The following ARL14EPL variants were observed in gnomAD, a reference collection of about 807,000 sequenced individuals.
ARL14EPL encodes ARF like GTPase 14 effector protein like, also known as ARL14 effector protein-like.
A neutral mutation model predicts 15.9 loss-of-function variants in ARL14EPL; 17 were observed. That is an observed-to-expected ratio of 1.07 (90% CI 0.73 to 1.60). The LOEUF is 1.60. Among genes scored for constraint, ARL14EPL ranks in the 40% most tolerant of loss-of-function variants. ARL14EPL has a pLI of 0.00. For synonymous variants in ARL14EPL, 78 were observed against 63.8 expected (o/e 1.22, Z -1.06); for missense variants, 214 against 185.9 (o/e 1.15, Z -0.88).
chr5:116,056,887 C>G (rs1375665391), intron 3 of ARL14EPL, among the ~76,000 whole-genome samples: 1 of 152,182 alleles, frequency 6.6e-6, no homozygotes, highest in Non-Finnish European at 1.5e-5. Flanking sequence ...TTTCCCAGCA[C>G]CATTTGTTAA....
intron 1 of ARL14EPL, among the ~76,000 whole-genome samples, chr5:116,045,845 G>A (rs1194196104): frequency 1.3e-5 from 2 of 151,438 alleles, no homozygotes; most frequent in Non-Finnish European, 2.9e-5. Context: ...AGATAAAGTT[G>A]CTTCTAGAGC....
In ARL14EPL at chr5:116,058,939, C is replaced by G. The variant is rs1361547628; in HGVS notation, c.451C>G (p.Pro151Ala). Reference protein sequence around the residue: ...EVISTLPFNVPD With the variant: ...EVISTLPFNVAD ...CATCAGCACGCTGCCGTTTAATGTT[C>G]CTGACTAGGTGCTCTTGTATATGGA... Residue 151 changes from proline (P) to alanine (A), a missense_variant, in exon 4 of 4, where the codon CCT becomes GCT. Coordinates refer to ENST00000686077, the MANE Select transcript of ARL14EPL (RefSeq NM_001195581.2). 3 of 1,535,762 alleles carry G rather than the reference C, an allele frequency of 2.0e-6. No individual in the cohort carries two copies. The African/African-American group carries it at 4.1e-5, about 21-fold the overall frequency.
intron 1 of ARL14EPL, among the ~76,000 whole-genome samples, chr5:116,040,402 A>G (rs1012643447): frequency 1.3e-5 from 2 of 151,640 alleles, no homozygotes; most frequent in Non-Finnish European, 2.9e-5. Context: ...CGTTTGGTAT[A>G]TAACAGGAGT....
chr5:116,050,553 T>C (rs888665621), intron 1 of ARL14EPL, among the ~76,000 whole-genome samples: 4 of 152,166 alleles, frequency 2.6e-5, no homozygotes, highest in South Asian at 2.1e-4. Context: ...GAATTTCCAA[T>C]TGGTCAGCAG....
chr5:116,046,781 A>G (rs1191278087), intron 1 of ARL14EPL, among the ~76,000 whole-genome samples: 1 of 152,192 alleles, frequency 6.6e-6, no homozygotes, highest in East Asian at 1.9e-4. Context: ...TTTCATCTGT[A>G]TATGACTGCT....
At chr5:116,043,327 T>C (rs1391385340) in intron 1 of ARL14EPL, among the ~76,000 whole-genome samples, 4 of 152,066 alleles carry the variant, frequency 2.6e-5, no homozygotes, top group African/African-American at 9.7e-5. Context: ...AGTGCTTTAG[T>C]ATGTGAATCC....
intron 1 of ARL14EPL, among the ~76,000 whole-genome samples, chr5:116,034,417 G>A (rs1266796755): frequency 6.6e-6 from 1 of 152,164 alleles, no homozygotes; most frequent in African/African-American, 2.4e-5. Flanking sequence ...GGTGGCCTCA[G>A]TATTTATGAA....
At chr5:116,034,782 A>G (rs1225795820) in intron 1 of ARL14EPL, among the ~76,000 whole-genome samples, 1 of 152,152 alleles carries the variant, frequency 6.6e-6, no homozygotes, top group African/African-American at 2.4e-5. Context: ...AAAAACAGAA[A>G]CCAGACTAAT....
At chr5:116,058,461 A>C (rs988308386) in intron 3 of ARL14EPL, among the ~76,000 whole-genome samples, 1 of 152,086 alleles carries the variant, frequency 6.6e-6, no homozygotes, top group Non-Finnish European at 1.5e-5. Context: ...ATGAAGTGTT[A>C]CTCTAGATGA....
rs1272659454 is a variant in ARL14EPL at position 116,058,715 on chromosome 5, T to C, written c.237-10T>C. On this transcript the variant is annotated splice_polypyrimidine_tract_variant and intron_variant, in intron 3 of 3. Coordinates refer to ENST00000686077, the MANE Select transcript of ARL14EPL (RefSeq NM_001195581.2). ...CACTGTCATCTTAATGTCATGCTTT[T>C]CCTTTGTAGAATAATGAGGAAGTAT... is the stretch of plus-strand genomic sequence containing the variant. 50 of 1,532,876 alleles carry C rather than the reference T, an allele frequency of 3.3e-5. No homozygotes were observed. The highest frequency in any genetic ancestry group is 4.3e-5 in the Non-Finnish European group (49 of 1,145,446). 95.0% of individuals were successfully genotyped at this position (1,532,876 alleles called of 1,614,324 possible). A position where few individuals can be genotyped will look rare whatever the true frequency, so the allele number is the denominator to read the frequency against.
intron 1 of ARL14EPL, among the ~76,000 whole-genome samples, chr5:116,043,035 C>T (rs906635122): frequency 3.3e-5 from 5 of 152,162 alleles, no homozygotes; most frequent in African/African-American, 9.6e-5. Flanking sequence ...TTTTCAACCA[C>T]TCTCCTGTGT....
At chr5:116,035,813 G>A (rs542989393) in intron 1 of ARL14EPL, among the ~76,000 whole-genome samples, 8 of 152,214 alleles carry the variant, frequency 5.3e-5, no homozygotes, top group Admixed American at 3.3e-4. Flanking sequence ...GCTGCCGCTG[G>A]TATCTCTGTG....
At chr5:116,045,783 T>G (rs1312227666) in intron 1 of ARL14EPL, among the ~76,000 whole-genome samples, 1 of 33,058 alleles carries the variant, frequency 3.0e-5, no homozygotes, top group East Asian at 7.4e-4. Context: ...TGTGTGTGTA[T>G]GTGTACGAAA....
chr5:116,046,572 G>C (rs1580413737), intron 1 of ARL14EPL, among the ~76,000 whole-genome samples: 1 of 152,114 alleles, frequency 6.6e-6, no homozygotes, highest in East Asian at 1.9e-4. Context: ...ACCTTGCCAG[G>C]GTGTGGTATT....
At chr5:116,038,945 C>G (rs953363862) in intron 1 of ARL14EPL, among the ~76,000 whole-genome samples, 6 of 152,172 alleles carry the variant, frequency 3.9e-5, no homozygotes, top group African/African-American at 1.4e-4. Context: ...AAGCCCCAGA[C>G]AGCCTTTCAG....
intron 1 of ARL14EPL, among the ~76,000 whole-genome samples, chr5:116,039,279 T>C (rs995720077): frequency 6.6e-6 from 1 of 152,064 alleles, no homozygotes; most frequent in Non-Finnish European, 1.5e-5. Flanking sequence ...CTTCAACAAA[T>C]AGGTGCTTGG....
intron 1 of ARL14EPL, among the ~76,000 whole-genome samples, chr5:116,050,649 A>G (rs2112676715): frequency 6.6e-6 from 1 of 152,222 alleles, no homozygotes; most frequent in Non-Finnish European, 1.5e-5. Context: ...GTAGTCAGCA[A>G]TGGTAGTTGA....
intron 1 of ARL14EPL, among the ~76,000 whole-genome samples, chr5:116,044,222 T>C (rs1749220840): frequency 1.3e-5 from 2 of 152,112 alleles, no homozygotes; most frequent in Non-Finnish European, 1.5e-5. Flanking sequence ...TAAAAGTAAT[T>C]AGTAATGAAA....
At chr5:116,047,413 G>T (rs1308874108) in intron 1 of ARL14EPL, among the ~76,000 whole-genome samples, 1 of 152,146 alleles carries the variant, frequency 6.6e-6, no homozygotes, top group Non-Finnish European at 1.5e-5. Context: ...AGTACTGGGG[G>T]TCACCTAAAT....
Sources: gnomAD v4.1 joint callset for allele counts (sites outside exome capture counted in the v4.1 genomes callset) on GRCh38, gnomAD v4.1.1 for gene constraint, MANE v1.5 for transcripts, NCBI Gene and HGNC (gene_info 2026-07-23, HGNC 2026-07-21) for gene names.